Variants in WNK3 observed in about 807,000 individuals in gnomAD.
The protein encoded by WNK3 is serine/threonine-protein kinase WNK3.
Under a neutral mutation model 116.7 loss-of-function variants are expected in WNK3, and 18 were observed. That is an observed-to-expected ratio of 0.15 (90% CI 0.11 to 0.23). The LOEUF (loss-of-function observed/expected upper bound fraction) is 0.23, where lower values mean the gene tolerates loss of function less well. WNK3 is among the 10% of genes least tolerant of loss of function. The pLI is 1.00. For missense variants in WNK3, 993 were observed against 1,323.8 expected, an observed-to-expected ratio of 0.75 and a Z score of 3.88; for synonymous variants, 404 against 469.4, an observed-to-expected ratio of 0.86 and a Z score of 1.80.
chrX:54,272,078 T>C, intron 10 of WNK3, among the ~76,000 whole-genome samples: 1 of 112,424 alleles, frequency 8.9e-6, no homozygotes, highest in Non-Finnish European at 1.9e-5. Flanking sequence ...CAATTTCACA[T>C]AAATACAATA....
At chrX:54,244,104 T>G (rs1171276522) in intron 17 of WNK3, among the ~76,000 whole-genome samples, 1 of 111,739 alleles carries the variant, frequency 8.9e-6, no homozygotes, top group Non-Finnish European at 1.9e-5. Flanking sequence ...GACTGCTTAA[T>G]GGGTATGAAG....
chrX:54,264,205 T>C (rs782487941), intron 10 of WNK3, among the ~76,000 whole-genome samples: 1 of 109,274 alleles, frequency 9.2e-6, no homozygotes. Context: ...TGGTGGCACA[T>C]GACTGTAATC....
chrX:54,289,778 C>T (rs1302040070), intron 10 of WNK3, among the ~76,000 whole-genome samples: 3 of 111,239 alleles, frequency 2.7e-5, no homozygotes, highest in African/African-American at 9.8e-5. Context: ...GCATTCTGTG[C>T]ACTGCTCACA....
intron 22 of WNK3, 75 bp from the exon 23 acceptor site, chrX:54,202,268 C>G (rs1557141836): frequency 3.0e-6 from 3 of 988,018 alleles, no homozygotes; most frequent in East Asian, 6.7e-5. Context: ...ACTCTTTGGC[C>G]AACAAAGCAG....
chrX:54,198,235 C>G (rs781896389), exon 24 of WNK3: 77 of 841,490 alleles, frequency 9.2e-5, no homozygotes, highest in Non-Finnish European at 1.2e-4. Flanking sequence ...GAAAATATGA[C>G]AGAACCCAAG....
At chrX:54,300,057 G>A (rs782194245) in intron 6 of WNK3, among the ~76,000 whole-genome samples, 29 of 110,476 alleles carry the variant, frequency 2.6e-4, no homozygotes, top group Non-Finnish European at 4.0e-4. Flanking sequence ...ATGGGGTTTC[G>A]TCATGTTGTC....
chrX:54,313,027 G>T (rs992539917), intron 2 of WNK3, among the ~76,000 whole-genome samples: 1 of 110,425 alleles, frequency 9.1e-6, no homozygotes, highest in African/African-American at 3.3e-5. Context: ...CACAGGTTTT[G>T]TTGTAATGTC....
At chrX:54,319,938 G>A (rs180913233) in intron 2 of WNK3, among the ~76,000 whole-genome samples, 84 of 112,157 alleles carry the variant, frequency 7.5e-4, no homozygotes, top group African/African-American at 2.7e-3. Context: ...AGCTGACATA[G>A]TCAAATGCTG....
intron 2 of WNK3, among the ~76,000 whole-genome samples, chrX:54,324,495 T>C (rs1347590487): frequency 8.9e-6 from 1 of 112,339 alleles, no homozygotes; most frequent in Non-Finnish European, 1.9e-5. Flanking sequence ...ACTCCCACCC[T>C]TTGTCATTTT....
At chrX:54,309,538 T>C in intron 3 of WNK3, among the ~76,000 whole-genome samples, 1 of 111,330 alleles carries the variant, frequency 9.0e-6, no homozygotes, top group Non-Finnish European at 1.9e-5. Context: ...GGTTGGTTGG[T>C]TGGTTTTTTT....
At chrX:54,269,450 G>GTC (rs1366097014) in intron 10 of WNK3, among the ~76,000 whole-genome samples, 1 of 111,618 alleles carries the variant, frequency 9.0e-6, no homozygotes, top group Non-Finnish European at 1.9e-5. Flanking sequence ...GTAAATGGAA[G>GTC]TCTCATACAT....
At chrX:54,348,124 A>ATG (rs781868512) in intron 1 of WNK3, among the ~76,000 whole-genome samples, 19,049 of 102,715 alleles carry the variant, frequency 0.19, 2,695 homozygotes, top group African/African-American at 0.47. Flanking sequence ...CATTGTATAT[A>ATG]TGTGTGTGTG....
chrX:54,193,932 C>A (rs906144945), exon 24 of WNK3: 2 of 111,158 alleles, frequency 1.8e-5, no homozygotes, highest in Admixed American at 1.9e-4. Context: ...AAAAAACAAT[C>A]TTCTAGAAAA....
chrX:54,266,311 G>C (rs190861949), intron 10 of WNK3, among the ~76,000 whole-genome samples: 1 of 110,637 alleles, frequency 9.0e-6, no homozygotes, highest in Non-Finnish European at 1.9e-5. Flanking sequence ...GTAGTGGGGA[G>C]AGTCAGGAGG....
chrX:54,238,504 G>A (rs1557150788), intron 18 of WNK3, 32 bp from the exon 19 acceptor site: 1 of 1,183,248 alleles, frequency 8.5e-7, no homozygotes, highest in South Asian at 1.9e-5. Context: ...AAGTAAAAAA[G>A]AGAAAATTGT....
At chrX:54,199,787 C>T (rs2067484015) in intron 23 of WNK3, among the ~76,000 whole-genome samples, 2 of 111,758 alleles carry the variant, frequency 1.8e-5, no homozygotes, top group African/African-American at 6.5e-5. Flanking sequence ...GAGCAGAGAT[C>T]GCGCCATTGC....
At chrX:54,307,849 G>A in intron 5 of WNK3, 73 bp downstream of exon 5, 2 of 1,022,683 alleles carry the variant, frequency 2.0e-6, no homozygotes, top group Admixed American at 3.1e-5. Flanking sequence ...TTAGTTTTGA[G>A]TAAGTCAAAC....
chrX:54,209,109 G>A (rs1557143241), intron 22 of WNK3, among the ~76,000 whole-genome samples: 1 of 111,601 alleles, frequency 9.0e-6, no homozygotes, highest in African/African-American at 3.3e-5. Context: ...GGGAAACCAA[G>A]TTCCCACATA....
chrX:54,247,060 GA>G (rs781978751), intron 17 of WNK3, among the ~76,000 whole-genome samples: 1 of 111,479 alleles, frequency 9.0e-6, no homozygotes, highest in African/African-American at 3.2e-5. Flanking sequence ...ACATGCAAAA[GA>G]ATACCAAATA....
Sources: gnomAD v4.1 joint callset for allele counts (sites outside exome capture counted in the v4.1 genomes callset) on GRCh38, gnomAD v4.1.1 for gene constraint, MANE v1.5 for transcripts, NCBI Gene and HGNC (gene_info 2026-07-23, HGNC 2026-07-21) for gene names.